Variants in VPS50 observed in about 807,000 individuals in gnomAD.
VPS50 encodes the protein syndetin.
A neutral mutation model predicts 139.7 loss-of-function variants in VPS50; 70 were observed. The observed-to-expected ratio is 0.50, with a 90% CI of 0.41 to 0.61. The LOEUF is 0.61. Among genes scored for constraint, VPS50 ranks in the 20% least tolerant of loss-of-function variants. The pLI, the probability that VPS50 is intolerant of heterozygous loss-of-function variation, is 0.00. For synonymous variants in VPS50, 365 were observed against 376.7 expected (o/e 0.97, Z 0.36); for missense variants, 921 against 1,133.7 (o/e 0.81, Z 2.69).
At chr7:93,341,327 C>T in intron 22 of VPS50, 100 bp from the exon 23 acceptor site, 2 of 714,328 alleles carry the variant, frequency 2.8e-6, no homozygotes, top group Non-Finnish European at 4.6e-6. Context: ...TTAACGTGTG[C>T]CCCAAGAGTA....
intron 13 of VPS50, among the ~76,000 whole-genome samples, chr7:93,292,590 A>G (rs559639772): frequency 1.3e-5 from 2 of 152,102 alleles, no homozygotes; most frequent in African/African-American, 2.4e-5. Context: ...TTTGTATTAT[A>G]TACAATTTAT....
In VPS50 at chr7:93,239,856, T is replaced by A. The variant is rs1419255241; in HGVS notation, c.34-10T>A. 3.2e-6 allele frequency: 5 copies of A among 1,548,480 alleles called. No individual in the cohort carries two copies. The East Asian group carries it at 1.1e-4, about 35-fold the overall frequency. ...GATTAAAATTTTCCTCATCTTATTA[T>A]TTTTTTAAGGGTCTGAAAAGCCCTC... On this transcript the variant is annotated splice_polypyrimidine_tract_variant and intron_variant, in intron 1 of 27. Transcript: ENST00000305866.
At position 93,291,779 on chromosome 7, in the gene VPS50, A is replaced by G. The variant is rs1562871818; in HGVS notation, c.1019A>G (p.Tyr340Cys). 1.2e-6 allele frequency: 2 copies of G among 1,603,498 alleles called. No individual in the cohort carries two copies. The highest frequency in any genetic ancestry group is 1.7e-6 in the Non-Finnish European group (2 of 1,171,834). Reference sequence around the variant, plus strand: ...CTATGGGAAGTTATGCTCAGCTATTATAGGACTATGGAATGGCATGAAAAG... The same window carrying G: ...CTATGGGAAGTTATGCTCAGCTATTGTAGGACTATGGAATGGCATGAAAAG... ...KALWEVMLSY[Y>C]RTMEWHEKHD... The change falls in exon 13 of 28, where the codon TAT becomes TGT. Residue 340 changes from tyrosine to cysteine, a missense_variant. Tyr to Cys is a radical substitution (Grantham distance 194). This residue lies in a region of VPS50 where 744 missense variants were observed against 930.6 expected (regional missense o/e 0.80). Transcript: ENST00000305866.
intron 26 of VPS50, 115 bp downstream of exon 26, chr7:93,353,876 A>C: frequency 1.2e-6 from 1 of 814,008 alleles, no homozygotes; most frequent in East Asian, 2.7e-5. Context: ...ACTAGCAGAC[A>C]AGTTTGGGAT....
intron 22 of VPS50, 43 bp from the exon 23 acceptor site, chr7:93,341,384 G>A: frequency 1.4e-6 from 2 of 1,442,682 alleles, no homozygotes; most frequent in Non-Finnish European, 1.9e-6. Context: ...GTTTATTACT[G>A]TTAGATTTGT....
At chr7:93,256,230 C>T (rs1267851888) in intron 4 of VPS50, among the ~76,000 whole-genome samples, 1 of 152,118 alleles carries the variant, frequency 6.6e-6, no homozygotes, top group Non-Finnish European at 1.5e-5. Context: ...GTTAATGTTA[C>T]TTAAATCAGA....
chr7:93,341,380 T>TA, intron 22 of VPS50, 47 bp from the exon 23 acceptor site: 1 of 1,381,184 alleles, frequency 7.2e-7, no homozygotes. Flanking sequence ...CGTGGTTTAT[T>TA]ACTGTTAGAT....
rs1305436357 is a variant in VPS50, at chr7:93,341,412, C to A, written c.2059-15C>A. 2 of 1,582,006 alleles carry A rather than the reference C, an allele frequency of 1.3e-6. No individual in the cohort carries two copies. Among genetic ancestry groups the A allele is most frequent in the Non-Finnish European group, 1.7e-6 (2 of 1,163,204 alleles). On this transcript the variant is annotated splice_polypyrimidine_tract_variant and intron_variant, in intron 22 of 27. Coordinates refer to ENST00000305866, the MANE Select transcript of VPS50 (RefSeq NM_017667.4). ...AGATTTGTTATTCCAGGTTGTATAT[C>A]TATTGTATTTTCAGGAAGTTTCAGC...
chr7:93,286,848 A>G (rs1195353887), intron 12 of VPS50, among the ~76,000 whole-genome samples: 3 of 152,106 alleles, frequency 2.0e-5, no homozygotes, highest in East Asian at 1.9e-4. Context: ...CATGAGAAGC[A>G]TTTGTCACTG....
At chr7:93,250,823 A>G (rs940479956) in intron 2 of VPS50, among the ~76,000 whole-genome samples, 1 of 152,180 alleles carries the variant, frequency 6.6e-6, no homozygotes, top group Non-Finnish European at 1.5e-5. Flanking sequence ...TCCAGAATCT[A>G]CAAAGAAATT....
chr7:93,335,585 C>A (rs892029893), intron 22 of VPS50, among the ~76,000 whole-genome samples: 1 of 151,902 alleles, frequency 6.6e-6, no homozygotes, highest in Non-Finnish European at 1.5e-5. Context: ...TCTCTTTTTT[C>A]TTTTCTTTTT....
Position 93,296,743 on chromosome 7 carries a change from A to G in VPS50, c.1169A>G (p.Asp390Gly). The G allele has an allele frequency of 6.2e-7, 1 of 1,601,294 alleles. No homozygotes were observed. The highest frequency in any genetic ancestry group is 8.5e-7 in the Non-Finnish European group (1 of 1,177,360). ...LEHGLTRIWQ[D>G]VQLKVKTYLL... ...ATTTTCTTTTTCTTTGCCTTACAGG[A>G]TGTTCAGCTAAAAGTAAAAACCTAC... is the stretch of plus-strand genomic sequence containing the variant. Residue 390 changes from aspartate to glycine, a missense_variant and splice_region_variant, in exon 15 of 28, where the codon GAT becomes GGT. Asp to Gly is a moderately conservative substitution (Grantham distance 94, BLOSUM62 -1). Transcript: ENST00000305866.
intron 2 of VPS50, among the ~76,000 whole-genome samples, chr7:93,240,751 G>A (rs1165547775): frequency 6.6e-6 from 1 of 152,156 alleles, no homozygotes; most frequent in South Asian, 2.1e-4. Flanking sequence ...CTCTTGATCA[G>A]CAGTTTAAGG....
chr7:93,322,859 C>T (rs1432077737), intron 20 of VPS50, among the ~76,000 whole-genome samples: 1 of 152,178 alleles, frequency 6.6e-6, no homozygotes, highest in African/African-American at 2.4e-5. Flanking sequence ...CCTTCCAATA[C>T]ATTAGCAAGT....
intron 3 of VPS50, among the ~76,000 whole-genome samples, chr7:93,253,229 TG>T (rs1795387448): frequency 6.6e-6 from 1 of 152,232 alleles, no homozygotes; most frequent in Non-Finnish European, 1.5e-5. Context: ...TACAACCAAA[TG>T]CTGTATGCAT....
chr7:93,295,621 A>G (rs1796785634), intron 14 of VPS50, among the ~76,000 whole-genome samples: 1 of 152,184 alleles, frequency 6.6e-6, no homozygotes, highest in Non-Finnish European at 1.5e-5. Flanking sequence ...TTGGAAGACT[A>G]TAGACCCTTT....
intron 2 of VPS50, among the ~76,000 whole-genome samples, chr7:93,244,461 T>C (rs1795092056): frequency 6.6e-6 from 1 of 151,936 alleles, no homozygotes; most frequent in South Asian, 2.1e-4. Context: ...ACATACAGCT[T>C]GTTGAAAGGA....
intron 12 of VPS50, among the ~76,000 whole-genome samples, chr7:93,282,284 C>G (rs772982282): frequency 7.9e-5 from 12 of 151,164 alleles, no homozygotes; most frequent in Admixed American, 2.0e-4. Flanking sequence ...AACGGTATTT[C>G]ACTGTAAGTG....
rs985413242 is a variant in VPS50, at chr7:93,282,077, G to T, written c.942+5772G>T. Among the ~76,000 whole-genome samples, 61 of 151,942 alleles carry T rather than the reference G, an allele frequency of 4.0e-4. 1 individual carries two copies. Among genetic ancestry groups the T allele is most frequent in the African/African-American group, 1.4e-3 (58 of 41,462 alleles). ...AAATTAGCCGGGCGTGGTGGCGGGC[G>T]CTTGTAGTCCCAGCTACTCGGGAGG... On this transcript the variant is annotated intron_variant, in intron 12 of 27. Coordinates refer to ENST00000305866, the MANE Select transcript of VPS50 (RefSeq NM_017667.4).
Sources: allele counts gnomAD v4.1 joint callset (sites outside exome capture counted in the v4.1 genomes callset), GRCh38; gene constraint gnomAD v4.1.1; regional missense constraint gnomAD v4.1.1; transcripts MANE v1.5; gene names NCBI Gene and HGNC (gene_info 2026-07-23, HGNC 2026-07-21).